The following KMT2C variants were observed in gnomAD, a reference collection of about 807,000 sequenced individuals.
The protein encoded by KMT2C is histone-lysine N-methyltransferase 2C.
Under a neutral mutation model 507.9 loss-of-function variants are expected in KMT2C, and 88 were observed. The ratio of observed to expected loss-of-function variants is 0.17; its 90% CI spans 0.15 to 0.21. KMT2C has a LOEUF of 0.21. KMT2C is among the 10% of genes least tolerant of loss of function. The probability of loss-of-function intolerance (pLI) is 1.00; values close to 1 mark genes in which losing one functional copy is unlikely to be tolerated. For synonymous variants in KMT2C, 2,049 were observed against 2,080.8 expected (o/e 0.98, Z 0.42); for missense variants, 4,954 against 5,957.8 (o/e 0.83, Z 5.55).
chr7:152,376,588 A>C (rs1189683090), intron 1 of KMT2C, among the ~76,000 whole-genome samples: 5 of 152,236 alleles, frequency 3.3e-5, no homozygotes, highest in Non-Finnish European at 7.3e-5. Flanking sequence ...AAAAAGCCTA[A>C]TCCACAGCAA....
chr7:152,372,423 T>C (rs571756565), intron 1 of KMT2C, among the ~76,000 whole-genome samples: 1 of 152,258 alleles, frequency 6.6e-6, no homozygotes, highest in South Asian at 2.1e-4. Context: ...CCCAAAGTGC[T>C]AGGAATACAA....
intron 1 of KMT2C, among the ~76,000 whole-genome samples, chr7:152,394,662 C>G (rs1317310236): frequency 6.6e-6 from 1 of 152,090 alleles, no homozygotes; most frequent in African/African-American, 2.4e-5. Context: ...TAAATTCTAC[C>G]TATTTGTTTG....
chr7:152,297,223 A>G (rs555101799), intron 6 of KMT2C, among the ~76,000 whole-genome samples: 1 of 152,162 alleles, frequency 6.6e-6, no homozygotes, highest in Non-Finnish European at 1.5e-5. Flanking sequence ...GCACACAACG[A>G]TAAGAGTTTC....
At chr7:152,287,423 G>C (rs1187283056) in intron 6 of KMT2C, among the ~76,000 whole-genome samples, 2 of 152,252 alleles carry the variant, frequency 1.3e-5, no homozygotes, top group African/African-American at 4.8e-5. Context: ...AGTCAACAAA[G>C]GCCTACTAAG....
chr7:152,320,336 C>A (rs1254643907), intron 3 of KMT2C, among the ~76,000 whole-genome samples: 1 of 152,164 alleles, frequency 6.6e-6, no homozygotes, highest in Non-Finnish European at 1.5e-5. Flanking sequence ...GTAACCTCCA[C>A]CTCCTGGGTT....
At chr7:152,416,056 A>C (rs1384537952) in intron 1 of KMT2C, among the ~76,000 whole-genome samples, 1 of 152,072 alleles carries the variant, frequency 6.6e-6, no homozygotes, top group East Asian at 1.9e-4. Context: ...AAATTGATGC[A>C]ACCTTTTTAG....
At chr7:152,251,913 T>TAA in intron 11 of KMT2C, 26 bp downstream of exon 11, 2 of 1,540,142 alleles carry the variant, frequency 1.3e-6, no homozygotes, top group Non-Finnish European at 1.8e-6. Context: ...ACAAAAAATT[T>TAA]AAAAAAAAAT....
rs201286752 is a variant in KMT2C at position 152,325,907 on chromosome 7, CTTTCT to C, written c.389+4689_389+4693del. On this transcript the variant is annotated intron_variant, in intron 3 of 58. Transcript: ENST00000262189. ...TGGAGTAGACATGAATAAATTAGGTCTTTCTTTTTTTTTTTTTTTAAAGTATGTCT... is the reference window on the plus strand; with the variant it reads ...TGGAGTAGACATGAATAAATTAGGTCTTTTTTTTTTTTTTAAAGTATGTCT... 3.4e-3 allele frequency among the ~76,000 whole-genome samples: 492 copies of C among 144,536 alleles called. 2 individuals are homozygous for C. The highest frequency in any genetic ancestry group is 0.012 in the African/African-American group (428 of 36,148). 94.8% of individuals were successfully genotyped at this position (144,536 alleles called of 152,430 possible). A position where few individuals can be genotyped will look rare whatever the true frequency, so the allele number is the denominator to read the frequency against.
chr7:152,345,323 T>C (rs1241193011), intron 2 of KMT2C, among the ~76,000 whole-genome samples: 1 of 152,032 alleles, frequency 6.6e-6, no homozygotes, highest in Non-Finnish European at 1.5e-5. Flanking sequence ...GCACAGGTAG[T>C]CCCAGCTACT....
intron 1 of KMT2C, among the ~76,000 whole-genome samples, chr7:152,394,029 C>T (rs902227346): frequency 5.3e-5 from 8 of 152,194 alleles, no homozygotes; most frequent in African/African-American, 1.7e-4. Flanking sequence ...ACTACGAATC[C>T]TCTTTTTCTC....
chr7:152,312,181 A>C (rs2096678500), intron 4 of KMT2C: 1 of 315,496 alleles, frequency 3.2e-6, no homozygotes, highest in African/African-American at 2.1e-5. Flanking sequence ...ACCCACAGGG[A>C]AGTATTAAAT....
chr7:152,218,387 C>T lies in KMT2C; in HGVS notation c.3712+2136G>A, dbSNP rs189372495. On this transcript the variant is annotated intron_variant, in intron 23 of 58. Transcript: ENST00000262189. ...CCATGTTGGCCAGGATGGTCTTGATCGCCTGACCTCAGGTGATCCACCCGC... is the reference window on the plus strand; with the variant it reads ...CCATGTTGGCCAGGATGGTCTTGATTGCCTGACCTCAGGTGATCCACCCGC... 1.2e-4 allele frequency among the ~76,000 whole-genome samples: 19 copies of T among 152,180 alleles called. No individual in the cohort carries two copies. The East Asian group carries it at 3.1e-3, about 25-fold the overall frequency.
At chr7:152,244,635 A>G (rs1472112904) in intron 14 of KMT2C, among the ~76,000 whole-genome samples, 7 of 152,256 alleles carry the variant, frequency 4.6e-5, no homozygotes, top group East Asian at 1.9e-4. Flanking sequence ...AATTTGTATG[A>G]AACAATATCC....
chr7:152,257,884 C>CA lies in KMT2C; in HGVS notation c.1299+5131dup, dbSNP rs879643466. Among the ~76,000 whole-genome samples, 105 of 146,844 alleles carry CA rather than the reference C, an allele frequency of 7.2e-4. 1 individual carries two copies. Among genetic ancestry groups the CA allele is most frequent in the African/African-American group, 2.3e-3 (90 of 38,378 alleles). On this transcript the variant is annotated intron_variant, in intron 9 of 58. Transcript: ENST00000262189. ...ACACACGCACACACACACACACACA[C>CA]AAAAAAAACACCTCATAATGTTTTA...
rs2129145660 is a variant in KMT2C at position 152,220,645 on chromosome 7, C to G, written c.3590G>C (p.Arg1197Thr). Residue 1197 changes from arginine (R) to threonine (T), a missense_variant, in exon 23 of 59, where the codon AGA becomes ACA. Arg to Thr is a moderately conservative substitution (Grantham distance 71). Transcript: ENST00000262189. ...TTTCAATTTTGGTTTTGACCGTTTT[C>G]TTCTTGGAACTGTAACTGTGAGGCT... The part of the protein sequence containing the change: ...LQSLTVTVPR[R>T]KRSKPKLKLK... 6.2e-7 allele frequency: 1 copy of G among 1,611,852 alleles called. No individual in the cohort carries two copies. The highest frequency in any genetic ancestry group is 1.1e-5 in the South Asian group (1 of 90,988).
At chr7:152,422,541 A>G (rs900588397) in intron 1 of KMT2C, among the ~76,000 whole-genome samples, 1 of 152,168 alleles carries the variant, frequency 6.6e-6, no homozygotes, top group African/African-American at 2.4e-5. Context: ...GGGCCTCAAC[A>G]TGAAATTATC....
At chr7:152,298,292 A>T (rs1454259554) in intron 6 of KMT2C, among the ~76,000 whole-genome samples, 1 of 152,132 alleles carries the variant, frequency 6.6e-6, no homozygotes, top group Admixed American at 6.6e-5. Flanking sequence ...TAACTCACGG[A>T]TCCAAGAAAC....
chr7:152,278,717 T>C (rs1300773001), intron 6 of KMT2C, among the ~76,000 whole-genome samples: 1 of 33,074 alleles, frequency 3.0e-5, no homozygotes, highest in African/African-American at 8.5e-5. Context: ...GAATTTAAAC[T>C]AAAAAGCAGT....
At chr7:152,415,863 G>C (rs2097730012) in intron 1 of KMT2C, among the ~76,000 whole-genome samples, 1 of 152,198 alleles carries the variant, frequency 6.6e-6, no homozygotes, top group Non-Finnish European at 1.5e-5. Flanking sequence ...CTGGGCAACA[G>C]TGTAAGACTC....
Sources: allele counts gnomAD v4.1 joint callset (sites outside exome capture counted in the v4.1 genomes callset), GRCh38; gene constraint gnomAD v4.1.1; transcripts MANE v1.5; gene names NCBI Gene and HGNC (gene_info 2026-07-23, HGNC 2026-07-21).